Variants in TRAPPC12 observed in about 807,000 individuals in gnomAD.
The protein encoded by TRAPPC12 is TPR repeat protein 15.
TRAPPC12 carries 61 observed loss-of-function variants against 69.2 expected under a neutral mutation model. The ratio of observed to expected loss-of-function variants is 0.88; its 90% CI spans 0.72 to 1.09. TRAPPC12 has a LOEUF of 1.09. Among genes scored for constraint, TRAPPC12 ranks in the 50% least tolerant of loss-of-function variants. TRAPPC12 has a pLI of 0.00. For missense variants in TRAPPC12, 1,101 were observed against 1,016.4 expected (o/e 1.08, Z -1.13); for synonymous variants, 469 against 438.9 (o/e 1.07, Z -0.86).
At chr2:3,395,143 G>A (rs4971504) in intron 2 of TRAPPC12, among the ~76,000 whole-genome samples, 13,986 of 152,198 alleles carry the variant, frequency 0.092, 859 homozygotes, top group Middle Eastern at 0.27. Flanking sequence ...TCCGTCAGCA[G>A]CGTATGAGAG....
intron 3 of TRAPPC12, among the ~76,000 whole-genome samples, chr2:3,420,670 G>T (rs370584931): frequency 7.9e-5 from 12 of 152,156 alleles, no homozygotes; most frequent in Non-Finnish European, 1.8e-4. Context: ...GTTAGCTCCT[G>T]CCTGAGGAAG....
At chr2:3,413,692 A>G (rs1029644537) in intron 3 of TRAPPC12, among the ~76,000 whole-genome samples, 1 of 152,112 alleles carries the variant, frequency 6.6e-6, no homozygotes, top group African/African-American at 2.4e-5. Flanking sequence ...TCCACAGTTG[A>G]CTTTCTTTTT....
At chr2:3,452,539 G>T (rs1207039919) in intron 6 of TRAPPC12, among the ~76,000 whole-genome samples, 1 of 152,132 alleles carries the variant, frequency 6.6e-6, no homozygotes, top group Non-Finnish European at 1.5e-5. Context: ...AGGCTCCCCT[G>T]CCTCCACTCC....
intron 9 of TRAPPC12, among the ~76,000 whole-genome samples, chr2:3,476,885 C>T (rs1666315816): frequency 6.6e-6 from 1 of 152,250 alleles, no homozygotes; most frequent in South Asian, 2.1e-4. Context: ...CATTCTGGCT[C>T]CCGCAGGCTG....
At chr2:3,472,708 C>G (rs1666118326) in intron 9 of TRAPPC12, 1 of 152,136 alleles carries the variant, frequency 6.6e-6, no homozygotes, top group Non-Finnish European at 1.5e-5. Flanking sequence ...TTGCAAATCC[C>G]GTATCTGATA....
intron 4 of TRAPPC12, 33 bp from the exon 5 acceptor site, chr2:3,424,492 T>C (rs546979358): frequency 1.2e-6 from 2 of 1,606,854 alleles, no homozygotes; most frequent in East Asian, 4.5e-5. Flanking sequence ...TATATGTAGA[T>C]AACCTATTGT....
chr2:3,403,833 G>C (rs1261811435), intron 3 of TRAPPC12, among the ~76,000 whole-genome samples: 1 of 152,190 alleles, frequency 6.6e-6, no homozygotes, highest in Non-Finnish European at 1.5e-5. Flanking sequence ...CATCACCTCT[G>C]CCTCTGTATT....
chr2:3,389,657 C>T (rs775267190), intron 2 of TRAPPC12: 36 of 470,894 alleles, frequency 7.6e-5, no homozygotes, highest in Non-Finnish European at 1.3e-4. Flanking sequence ...TTGAGTGGGG[C>T]AGCCGAAGGG....
intron 4 of TRAPPC12, 90 bp from the exon 5 acceptor site, chr2:3,424,435 T>C (rs112699541): frequency 3.5e-6 from 4 of 1,139,656 alleles, no homozygotes; most frequent in Non-Finnish European, 3.8e-6. Flanking sequence ...ATATGAGAAA[T>C]TAACCTCTAA....
intron 1 of TRAPPC12, among the ~76,000 whole-genome samples, chr2:3,380,077 C>T (rs992457405): frequency 1.3e-5 from 2 of 152,214 alleles, no homozygotes; most frequent in Non-Finnish European, 2.9e-5. Context: ...CTCCACGTCG[C>T]CGCGGCCCTT....
At chr2:3,411,205 C>T (rs1447706441) in intron 3 of TRAPPC12, among the ~76,000 whole-genome samples, 3 of 152,152 alleles carry the variant, frequency 2.0e-5, no homozygotes, top group African/African-American at 7.2e-5. Flanking sequence ...TTACACCTTC[C>T]ATACTTGTTG....
rs911207308 is a variant in TRAPPC12 at position 3,424,518 on chromosome 2, T to G, written c.1279-7T>G. The G allele has an allele frequency of 1.1e-5, 18 of 1,611,868 alleles. No individual in the cohort carries two copies. Among genetic ancestry groups the G allele is most frequent in the Non-Finnish European group, 1.4e-5 (16 of 1,179,482 alleles). The stretch of plus-strand genomic sequence containing the variant: ...AACCTATTGTTTCCATTGTATTTTG[T>G]TTTTAGCTCTGGTTTGTCAGGCTGG... On this transcript the variant is annotated splice_region_variant and splice_polypyrimidine_tract_variant and intron_variant, in intron 4 of 11. Coordinates refer to ENST00000324266, the MANE Select transcript of TRAPPC12 (RefSeq NM_016030.6).
chr2:3,435,248 A>G (rs1270295246), intron 5 of TRAPPC12, among the ~76,000 whole-genome samples: 1 of 152,176 alleles, frequency 6.6e-6, no homozygotes, highest in Non-Finnish European at 1.5e-5. Flanking sequence ...TTCCAGCCTC[A>G]AGTGATCTGC....
At chr2:3,426,283 G>C (rs926678498) in intron 5 of TRAPPC12, among the ~76,000 whole-genome samples, 3 of 152,252 alleles carry the variant, frequency 2.0e-5, no homozygotes, top group African/African-American at 7.2e-5. Flanking sequence ...GAGCTGGCTT[G>C]ATTTCATGGA....
At position 3,479,450 on chromosome 2, in the gene TRAPPC12, A is replaced by G. The variant is rs777336908; in HGVS notation, c.2197A>G (p.Lys733Glu). The change falls in exon 12 of 12, where the codon AAG becomes GAG. Residue 733 changes from lysine to glutamate, a missense_variant. Transcript: ENST00000324266. The stretch of plus-strand genomic sequence containing the variant: ...GGACAGCTTCAACACACAGTGCCTC[A>G]AGCTGGCCTAGCTGCCTCCAACACA... The part of the protein sequence containing the change: ...EGDSFNTQCL[K>E]LA 6.2e-7 allele frequency: 1 copy of G among 1,613,854 alleles called. No individual in the cohort carries two copies. The highest frequency in any genetic ancestry group is 1.1e-5 in the South Asian group (1 of 91,086).
chr2:3,477,837 C>T (rs746322377), intron 10 of TRAPPC12, 42 bp downstream of exon 10: 1 of 1,417,528 alleles, frequency 7.1e-7, no homozygotes, highest in Non-Finnish European at 9.7e-7. Flanking sequence ...TCAAATTTCC[C>T]AGAGGCGTTC....
chr2:3,459,350 CTG>C (rs1665361816), intron 7 of TRAPPC12, among the ~76,000 whole-genome samples: 1 of 152,226 alleles, frequency 6.6e-6, no homozygotes, highest in Non-Finnish European at 1.5e-5. Flanking sequence ...TCCCTGGCCT[CTG>C]TGGACCTCAG....
intron 3 of TRAPPC12, among the ~76,000 whole-genome samples, chr2:3,412,434 C>T (rs941384135): frequency 1.3e-5 from 2 of 152,104 alleles, no homozygotes; most frequent in Non-Finnish European, 2.9e-5. Flanking sequence ...TGGTGGTGGG[C>T]GCCTGTAATC....
At position 3,460,287 on chromosome 2, in the gene TRAPPC12, G is replaced by T. The variant is rs750189893; in HGVS notation, c.1628G>T (p.Arg543Leu). The change falls in exon 8 of 12, where the codon CGT (arginine) becomes CTT (leucine). Residue 543 changes from arginine to leucine, a missense_variant. By Grantham distance (102) the Arg-to-Leu change is moderately radical. Transcript: ENST00000324266. ...GCCTCTATCCGGCTGTGGAGGTCAC[G>T]TCTGGGCCGGGTGATGTACTCCATG... ...RQASIRLWRS[R>L]LGRVMYSMAN... The T allele has an allele frequency of 1.1e-6, 1 of 874,514 alleles. No homozygotes were observed. Among genetic ancestry groups the T allele is most frequent in the Admixed American group, 1.7e-5 (1 of 59,178 alleles). The allele number at this position is 874,514 out of a possible 1,614,324, so 54.2% of individuals were successfully genotyped here. A position where few individuals can be genotyped will look rare whatever the true frequency, so the allele number is the denominator to read the frequency against.
Sources: allele counts gnomAD v4.1 joint callset (sites outside exome capture counted in the v4.1 genomes callset), GRCh38; gene constraint gnomAD v4.1.1; transcripts MANE v1.5; gene names NCBI Gene and HGNC (gene_info 2026-07-23, HGNC 2026-07-21).